DUOXA2: variants seen among roughly 807,000 people sequenced by gnomAD.
The protein encoded by DUOXA2 is dual oxidase maturation factor 2.
Under a neutral mutation model 27.6 loss-of-function variants are expected in DUOXA2, and 22 were observed. That is an observed-to-expected ratio of 0.80 (90% CI 0.57 to 1.14). The LOEUF is 1.14. Ranked by LOEUF, DUOXA2 falls within the 50% of genes most tolerant of loss-of-function variation. The pLI is 0.00. For synonymous variants in DUOXA2, 188 were observed against 184.4 expected (o/e 1.02, Z -0.16); for missense variants, 481 against 419.9 (o/e 1.15, Z -1.27).
rs1566980360 is a variant in DUOXA2 at position 45,114,731 on chromosome 15, G to C, written c.126G>C (p.Leu42Phe). The C allele has an allele frequency of 3.1e-6, 5 of 1,614,198 alleles. No homozygotes were observed. The highest frequency in any genetic ancestry group is 1.7e-4 in the Middle Eastern group (1 of 6,060). ...LALAASFLLI[L>F]PGIRGHSRWF... ...TAGCAGCAAGCTTCCTGCTCATCTT[G>C]CCGGGGATCCGTGGCCACTCGGTAA... Residue 42 changes from leucine to phenylalanine, a missense_variant, in exon 1 of 6, where the codon TTG becomes TTC. By Grantham distance (22) the Leu-to-Phe change is conservative. Transcript: ENST00000323030.
intron 1 of DUOXA2, 23 bp downstream of exon 1, chr15:45,114,775 G>A: frequency 1.2e-6 from 2 of 1,614,136 alleles, no homozygotes; most frequent in Non-Finnish European, 1.7e-6. Context: ...TCATAGTGCA[G>A]GTAGAGTGGG....
chr15:45,117,262 C>T lies in DUOXA2; in HGVS notation c.726C>T (p.Leu242=). 1 of 1,609,268 alleles carries T rather than the reference C, an allele frequency of 6.2e-7. No individual in the cohort carries two copies. The highest frequency in any genetic ancestry group is 1.1e-5 in the South Asian group (1 of 90,694). ...LCPLRLGSSA[L]TTQYGAAFWV... is the part of the protein sequence containing the mutation. ...CGCTCCGCCTAGGCTCCTCCGCGCT[C>T]ACCACTCAGTACGGCGCCGCCTTCT... Residue 242 remains leucine, a synonymous_variant, in exon 5 of 6, where the codon CTC becomes CTT. Coordinates refer to ENST00000323030, the MANE Select transcript of DUOXA2 (RefSeq NM_207581.4).
chr15:45,115,654 A>C, intron 1 of DUOXA2, 145 bp from the exon 2 acceptor site: 2 of 959,826 alleles, frequency 2.1e-6, no homozygotes, highest in Non-Finnish European at 3.3e-6. Context: ...CCAGTAGCCC[A>C]GAGGGACTTG....
In DUOXA2 at chr15:45,116,248, T is replaced by C. The variant is rs760341242; in HGVS notation, c.330T>C (p.Ile110=). 1 of 1,613,870 alleles carries C rather than the reference T, an allele frequency of 6.2e-7. No homozygotes were observed. The highest frequency in any genetic ancestry group is 8.5e-7 in the Non-Finnish European group (1 of 1,179,968). Residue 110 remains isoleucine, a synonymous_variant, in exon 3 of 6, where the codon ATT becomes ATC. Transcript: ENST00000323030. ...TCGTGGGCCTGGAGGGCATTAATAT[T>C]ACACTCACAGGTGAGGGGGCTGGGG... ...RLLVGLEGIN[I]TLTGTPVHQL... is the part of the protein sequence containing the mutation.
chr15:45,115,142 G>C (rs1894571615), intron 1 of DUOXA2, among the ~76,000 whole-genome samples: 2 of 152,224 alleles, frequency 1.3e-5, no homozygotes, highest in African/African-American at 4.8e-5. Flanking sequence ...CAGCAGCTCA[G>C]ACTGCAGTGT....
chr15:45,116,149 C>CGTGGGTACA lies in DUOXA2; in HGVS notation c.235_243dup (p.Gly79_Val81dup), dbSNP rs767439926. 1.9e-6 allele frequency: 3 copies of CGTGGGTACA among 1,606,352 alleles called. No homozygotes were observed. The highest frequency in any genetic ancestry group is 2.6e-6 in the Non-Finnish European group (3 of 1,175,808). On this transcript the variant is annotated inframe_insertion, in exon 3 of 6. Coordinates refer to ENST00000323030, the MANE Select transcript of DUOXA2 (RefSeq NM_207581.4). Reference sequence around the variant, plus strand: ...CTGTGCACTTCAGTGCAGAATGGTTCGTGGGTACAGTGAACACCAACACAT... The same window carrying CGTGGGTACA: ...CTGTGCACTTCAGTGCAGAATGGTTCGTGGGTACAGTGGGTACAGTGAACACCAACACAT...
At position 45,115,663 on chromosome 15, in the gene DUOXA2, T is replaced by A. The variant is rs1212081005; in HGVS notation, c.148-136T>A. ...GAAATGCCAGTAGCCCAGAGGGACT[T>A]GCAGGAAAAGCGTGCCTAACATTAG... On this transcript the variant is annotated intron_variant, in intron 1 of 5. Transcript: ENST00000323030. 7.7e-6 allele frequency: 8 copies of A among 1,043,228 alleles called. No homozygotes were observed. In the Admixed American group the frequency reaches 1.6e-4, roughly 21 times the overall value. The allele number at this position is 1,043,228 out of a possible 1,614,324, so 64.6% of individuals were successfully genotyped here.
rs376385663 is a variant in DUOXA2 at position 45,117,990 on chromosome 15, A to C, written c.*81A>C. On this transcript the variant is annotated 3_prime_UTR_variant, in exon 6 of 6. Transcript: ENST00000323030. Reference sequence around the variant, plus strand: ...GTGCCCGCCAGGCCTGGGCCAGGAGAGCTCCAGGAAGGGCACTGAGCGCTG... The same window carrying C: ...GTGCCCGCCAGGCCTGGGCCAGGAGCGCTCCAGGAAGGGCACTGAGCGCTG... 1.2e-6 allele frequency: 2 copies of C among 1,611,884 alleles called. No homozygotes were observed. The highest frequency in any genetic ancestry group is 2.7e-5 in the African/African-American group (2 of 75,052).
In DUOXA2 at chr15:45,114,709, C is replaced by G; in HGVS notation, c.104C>G (p.Ala35Gly). 6.2e-7 allele frequency: 1 copy of G among 1,614,236 alleles called. No homozygotes were observed. The highest frequency in any genetic ancestry group is 8.5e-7 in the Non-Finnish European group (1 of 1,180,046). Residue 35 changes from alanine (A) to glycine (G), a missense_variant, in exon 1 of 6, where the codon GCA (alanine) becomes GGA (glycine). Transcript: ENST00000323030. ...LIVILVFLAL[A>G]ASFLLILPGI... ...GTTATTCTAGTGTTTTTGGCTCTAG[C>G]AGCAAGCTTCCTGCTCATCTTGCCG...
rs754645560 is a variant in DUOXA2 at position 45,116,136 on chromosome 15, G to T, written c.218G>T (p.Ser73Ile). 1.9e-6 allele frequency: 3 copies of T among 1,613,316 alleles called. No individual in the cohort carries two copies. In the South Asian group the frequency reaches 3.3e-5, roughly 18 times the overall value. The change falls in exon 3 of 6, where the codon AGT (serine) becomes ATT (isoleucine). Residue 73 changes from serine to isoleucine, a missense_variant. By Grantham distance (142) the Ser-to-Ile change is moderately radical (BLOSUM62 -2). Coordinates refer to ENST00000323030, the MANE Select transcript of DUOXA2 (RefSeq NM_207581.4). Reference protein sequence around the residue: ...IGAEIVAVHFSAEWFVGTVNT... With the variant: ...IGAEIVAVHFIAEWFVGTVNT... ...CCTTTCCCTACAGCTGTGCACTTCA[G>T]TGCAGAATGGTTCGTGGGTACAGTG...
In DUOXA2 at chr15:45,118,011, C is replaced by G. The variant is rs1199686524; in HGVS notation, c.*102C>G. On this transcript the variant is annotated 3_prime_UTR_variant, in exon 6 of 6. Coordinates refer to ENST00000323030, the MANE Select transcript of DUOXA2 (RefSeq NM_207581.4). Reference sequence around the variant, plus strand: ...GGAGAGCTCCAGGAAGGGCACTGAGCGCTGCTGGCGCGAGGCCTCGGACAT... The same window carrying G: ...GGAGAGCTCCAGGAAGGGCACTGAGGGCTGCTGGCGCGAGGCCTCGGACAT... 1 of 1,604,554 alleles carries G rather than the reference C, an allele frequency of 6.2e-7. No homozygotes were observed. Among genetic ancestry groups the G allele is most frequent in the Non-Finnish European group, 8.5e-7 (1 of 1,173,214 alleles).
Position 45,116,546 on chromosome 15 carries a change from T to C in DUOXA2, c.371T>C (p.Ile124Thr), listed in dbSNP as rs1170899702. The stretch of plus-strand genomic sequence containing the variant: ...CCAGTGCATCAGCTGAACGAGACCA[T>C]TGACTACAACGAGCAGTTCACCTGG... ...GTPVHQLNETIDYNEQFTWRL... is the reference protein window; with the variant it reads ...GTPVHQLNETTDYNEQFTWRL... The change falls in exon 4 of 6, where the codon ATT becomes ACT. Residue 124 changes from isoleucine to threonine, a missense_variant. Physicochemically the swap from Ile to Thr is moderately conservative, Grantham distance 89. Coordinates refer to ENST00000323030, the MANE Select transcript of DUOXA2 (RefSeq NM_207581.4). 6 of 1,613,954 alleles carry C rather than the reference T, an allele frequency of 3.7e-6. No individual in the cohort carries two copies. Among genetic ancestry groups the C allele is most frequent in the Non-Finnish European group, 5.1e-6 (6 of 1,180,020 alleles).
intron 4 of DUOXA2, 119 bp from the exon 5 acceptor site, chr15:45,116,972 C>A: frequency 7.8e-7 from 1 of 1,280,156 alleles, no homozygotes; most frequent in Non-Finnish European, 1.1e-6. Context: ...TCCCCTGCAC[C>A]GCTGCCATCC....
Position 45,118,313 on chromosome 15 carries a change from A to G in DUOXA2, c.*404A>G, listed in dbSNP as rs1217518075. ...CATCTTTCTGAACCACCCCAGGGGG[A>G]CGTTAGGTGGCAGTGATGAGGCAGG... is the stretch of plus-strand genomic sequence containing the variant. On this transcript the variant is annotated 3_prime_UTR_variant, in exon 6 of 6. Transcript: ENST00000323030. 3.2e-6 allele frequency: 4 copies of G among 1,241,442 alleles called. No homozygotes were observed. The East Asian group carries it at 1.0e-4, about 32-fold the overall frequency. 76.9% of individuals were successfully genotyped at this position (1,241,442 alleles called of 1,614,324 possible).
rs150014419 is a variant in DUOXA2 at position 45,118,079 on chromosome 15, A to G, written c.*170A>G. 1.3e-6 allele frequency: 2 copies of G among 1,530,798 alleles called. No homozygotes were observed. Among genetic ancestry groups the G allele is most frequent in the Non-Finnish European group, 1.8e-6 (2 of 1,140,886 alleles). 94.8% of individuals were successfully genotyped at this position (1,530,798 alleles called of 1,614,324 possible). Reference sequence around the variant, plus strand: ...AGTCTCCTGGGGCGATCTGTAAATAAACCTTTTTTTCTTTTGTTTTTTAAA... The same window carrying G: ...AGTCTCCTGGGGCGATCTGTAAATAGACCTTTTTTTCTTTTGTTTTTTAAA... On this transcript the variant is annotated 3_prime_UTR_variant, in exon 6 of 6. Coordinates refer to ENST00000323030, the MANE Select transcript of DUOXA2 (RefSeq NM_207581.4).
rs1258430742 is a variant in DUOXA2, at chr15:45,117,078, C to G, written c.555-13C>G. ...GAAGCCCGCTCACAGCGGGTCCCCC[C>G]ACTCCCCGGCAGGGTGGCGTTCTGC... On this transcript the variant is annotated splice_polypyrimidine_tract_variant and intron_variant, in intron 4 of 5. Coordinates refer to ENST00000323030, the MANE Select transcript of DUOXA2 (RefSeq NM_207581.4). The G allele has an allele frequency of 1.3e-6, 2 of 1,597,640 alleles. No homozygotes were observed. The highest frequency in any genetic ancestry group is 2.2e-5 in the South Asian group (2 of 90,902).
In DUOXA2 at chr15:45,117,949, C is replaced by T; in HGVS notation, c.*40C>T. 1 of 1,612,904 alleles carries T rather than the reference C, an allele frequency of 6.2e-7. No individual in the cohort carries two copies. Among genetic ancestry groups the T allele is most frequent in the Non-Finnish European group, 8.5e-7 (1 of 1,179,790 alleles). On this transcript the variant is annotated 3_prime_UTR_variant, in exon 6 of 6. Transcript: ENST00000323030. ...GGACTCCTTCCCCGCCTTGGGACAT[C>T]GCAGGCCGGGAAGCAGTGCCCGCCA...
Position 45,118,109 on chromosome 15 carries a change from G to GT in DUOXA2, c.*205dup. The GT allele has an allele frequency of 1.3e-6, 2 of 1,483,538 alleles. No individual in the cohort carries two copies. Among genetic ancestry groups the GT allele is most frequent in the Non-Finnish European group, 1.8e-6 (2 of 1,121,730 alleles). 91.9% of individuals were successfully genotyped at this position (1,483,538 alleles called of 1,614,324 possible). On this transcript the variant is annotated 3_prime_UTR_variant, in exon 6 of 6. Transcript: ENST00000323030. ...TTTTTTCTTTTGTTTTTTAAAAACTGTTTTTCCCATTAATTTTCATGGCTT... is the reference window on the plus strand; with the variant it reads ...TTTTTTCTTTTGTTTTTTAAAAACTGTTTTTTCCCATTAATTTTCATGGCTT...
chr15:45,115,978 T>C, intron 2 of DUOXA2, 122 bp downstream of exon 2: 1 of 1,589,006 alleles, frequency 6.3e-7, no homozygotes, highest in Non-Finnish European at 8.6e-7. Context: ...CTCCAGCTCC[T>C]TCTAGGGCCC....
Sources: allele counts gnomAD v4.1 joint callset (sites outside exome capture counted in the v4.1 genomes callset), GRCh38; gene constraint gnomAD v4.1.1; transcripts MANE v1.5; gene names NCBI Gene and HGNC (gene_info 2026-07-23, HGNC 2026-07-21).